Variants in GYG1 observed in about 807,000 individuals in gnomAD.
The protein encoded by GYG1 is glycogenin-1.
Under a neutral mutation model 41.9 loss-of-function variants are expected in GYG1, and 44 were observed. The ratio of observed to expected loss-of-function variants is 1.05; its 90% confidence interval spans 0.83 to 1.35. The LOEUF (loss-of-function observed/expected upper bound fraction) is 1.35, where lower values mean the gene tolerates loss of function less well. Among genes scored for constraint, GYG1 ranks in the 40% most tolerant of loss-of-function variants. The pLI, the probability that GYG1 is intolerant of heterozygous loss-of-function variation, is 0.00. For missense variants in GYG1, 429 were observed against 418.9 expected (o/e 1.02, Z -0.21); for synonymous variants, 141 against 158.1 (o/e 0.89, Z 0.81).
rs1444062796 is a variant in GYG1, at chr3:149,030,157, T to G, written c.*3224T>G. 1 of 152,210 alleles carries G rather than the reference T, an allele frequency of 6.6e-6. No individual in the cohort carries two copies. Among genetic ancestry groups the G allele is most frequent in the African/African-American group, 2.4e-5 (1 of 41,454 alleles). 9.4% of individuals were successfully genotyped at this position (152,210 alleles called of 1,614,324 possible). A position where few individuals can be genotyped will look rare whatever the true frequency, so the allele number is the denominator to read the frequency against. On this transcript the variant is annotated 3_prime_UTR_variant, in exon 8 of 8. Transcript: ENST00000345003. ...TTGAAATTTTTATTGATTTTTAAAT[T>G]TAAAATCCAGTTTTAACCACAAAAT...
At chr3:149,015,785 G>C (rs1037437160) in intron 5 of GYG1, among the ~76,000 whole-genome samples, 1 of 152,166 alleles carries the variant, frequency 6.6e-6, no homozygotes, top group African/African-American at 2.4e-5. Flanking sequence ...ATGTAGGTTC[G>C]AGAGAGGGCG....
intron 5 of GYG1, among the ~76,000 whole-genome samples, chr3:149,014,008 T>TC (rs1713882328): frequency 6.6e-6 from 1 of 152,182 alleles, no homozygotes; most frequent in Non-Finnish European, 1.5e-5. Flanking sequence ...TTCTGCTCAC[T>TC]CAAGGCCTCA....
intron 5 of GYG1, among the ~76,000 whole-genome samples, chr3:149,012,997 T>TTGTGTG (rs10575910): frequency 0.055 from 7,837 of 141,342 alleles, 377 homozygotes; most frequent in African/African-American, 0.13. Flanking sequence ...CTCAGTTAAT[T>TTGTGTG]TGTGTGTGTG....
At chr3:149,017,412 T>A (rs902890016) in intron 5 of GYG1, among the ~76,000 whole-genome samples, 29 of 150,532 alleles carry the variant, frequency 1.9e-4, no homozygotes, top group East Asian at 3.9e-4. Flanking sequence ...TTTTTTTTTT[T>A]AATTCCTGGC....
rs1273314125 is a variant in GYG1, at chr3:149,024,107, T to C, written c.663T>C (p.Asn221=). Residue 221 remains asparagine (N), a synonymous_variant, in exon 6 of 8, where the codon AAT becomes AAC. Coordinates refer to ENST00000345003, the MANE Select transcript of GYG1 (RefSeq NM_004130.4). The part of the protein sequence containing the change: ...VHFLGRVKPW[N]YTYDPKTKSV... The stretch of plus-strand genomic sequence containing the variant: ...TCCTGGGACGAGTCAAACCATGGAA[T>C]TATACTTATGATCCCAAAACAAAAA... 2 of 1,614,040 alleles carry C rather than the reference T, an allele frequency of 1.2e-6. No individual in the cohort carries two copies. The highest frequency in any genetic ancestry group is 1.7e-6 in the Non-Finnish European group (2 of 1,180,010).
chr3:149,026,477 C>T lies in GYG1; in HGVS notation c.854C>T (p.Ala285Val). ...CTTTCAGACTTGGTCTATACACTGG[C>T]TTTCTCTTGTGGCTTCTGTAGAAAG... The part of the protein sequence containing the change: ...NVLSDLVYTL[A>V]FSCGFCRKED... The change falls in exon 7 of 8, where the codon GCT becomes GTT. Residue 285 changes from alanine (A) to valine (V), a missense_variant. Physicochemically the swap from Ala to Val is moderately conservative, Grantham distance 64 (BLOSUM62 0). Coordinates refer to ENST00000345003, the MANE Select transcript of GYG1 (RefSeq NM_004130.4). The T allele has an allele frequency of 6.2e-7, 1 of 1,606,650 alleles. No homozygotes were observed. The highest frequency in any genetic ancestry group is 8.5e-7 in the Non-Finnish European group (1 of 1,173,238).
intron 4 of GYG1, among the ~76,000 whole-genome samples, chr3:149,004,429 T>A (rs2107896658): frequency 1.3e-5 from 2 of 152,364 alleles, no homozygotes; most frequent in East Asian, 3.9e-4. Flanking sequence ...TGCTTTGAAC[T>A]GTCCTATCAT....
chr3:148,996,271 A>G (rs374498755), intron 2 of GYG1, 31 bp from the exon 3 acceptor site: 73 of 1,521,908 alleles, frequency 4.8e-5, no homozygotes, highest in Non-Finnish European at 2.7e-6. Context: ...AAAAGATGCT[A>G]AGTGTGGTAT....
intron 3 of GYG1, 53 bp downstream of exon 3, chr3:148,996,529 G>C: frequency 6.8e-7 from 1 of 1,462,354 alleles, no homozygotes; most frequent in East Asian, 2.3e-5. Context: ...TATGGTGATG[G>C]AGACCTGTAG....
At position 149,026,935 on chromosome 3, in the gene GYG1, AAC is replaced by A. The variant is rs1311410301; in HGVS notation, c.*5_*6del. On this transcript the variant is annotated 3_prime_UTR_variant, in exon 8 of 8. Transcript: ENST00000345003. ...AAACTTGACACTTACCTCCAGTAGA[AAC>A]ACTGCATTTTTCTGTGAACACATCC... 14 of 1,613,696 alleles carry A rather than the reference AAC, an allele frequency of 8.7e-6. No individual in the cohort carries two copies. In the Admixed American group the frequency reaches 2.2e-4, roughly 25 times the overall value.
chr3:149,024,628 A>G (rs1427585752), intron 6 of GYG1, among the ~76,000 whole-genome samples: 1 of 152,242 alleles, frequency 6.6e-6, no homozygotes, highest in Non-Finnish European at 1.5e-5. Context: ...AACTGCAAAC[A>G]TTTAGATGTA....
At chr3:149,006,686 T>C (rs1268247560) in intron 4 of GYG1, among the ~76,000 whole-genome samples, 1 of 152,240 alleles carries the variant, frequency 6.6e-6, no homozygotes, top group Non-Finnish European at 1.5e-5. Context: ...TGAACAAAGC[T>C]GCTGTGAACA....
At chr3:148,997,668 T>G (rs1244500230) in intron 4 of GYG1, among the ~76,000 whole-genome samples, 4 of 152,266 alleles carry the variant, frequency 2.6e-5, no homozygotes, top group African/African-American at 9.6e-5. Flanking sequence ...CAATAGTTAA[T>G]ATGCAGAAGG....
At chr3:148,994,564 T>A (rs773848313) in intron 2 of GYG1, among the ~76,000 whole-genome samples, 14 of 152,162 alleles carry the variant, frequency 9.2e-5, no homozygotes, top group Non-Finnish European at 1.9e-4. Context: ...CCCCTCTGGG[T>A]GATCTGAAGG....
At chr3:148,996,533 C>T (rs1020587267) in intron 3 of GYG1, 57 bp downstream of exon 3, 4 of 1,447,042 alleles carry the variant, frequency 2.8e-6, no homozygotes, top group African/African-American at 1.4e-5. Context: ...GTGATGGAGA[C>T]CTGTAGGCAT....
intron 5 of GYG1, among the ~76,000 whole-genome samples, chr3:149,014,974 T>G (rs1026125013): frequency 6.6e-6 from 1 of 152,158 alleles, no homozygotes; most frequent in African/African-American, 2.4e-5. Context: ...CAGAATTTTT[T>G]TTAACTTAAT....
At chr3:149,017,150 T>C (rs1714093979) in intron 5 of GYG1, among the ~76,000 whole-genome samples, 1 of 152,238 alleles carries the variant, frequency 6.6e-6, no homozygotes, top group African/African-American at 2.4e-5. Context: ...AAACTAGTCA[T>C]GAAAATTCTA....
Position 148,996,749 on chromosome 3 carries a change from CA to C in GYG1, c.329del (p.Asn110IlefsTer58), listed in dbSNP as rs1712817364. 1 of 1,613,688 alleles carries C rather than the reference CA, an allele frequency of 6.2e-7. No homozygotes were observed. The highest frequency in any genetic ancestry group is 8.5e-7 in the Non-Finnish European group (1 of 1,179,600). On this transcript the variant is annotated frameshift_variant, in exon 4 of 8. Transcript: ENST00000345003. LOFTEE classifies it high-confidence loss of function. ...VFMDADTLVLANIDDLFDREE... is the reference protein window; with the variant it reads ...VFMDADTLVLXNIDDLFDREE... ...TTTCTCCCCTTTGATCAGGTCCTAG[CA>C]AATATTGATGATCTTTTTGACAGAG...
At chr3:148,998,818 A>C (rs181064528) in intron 4 of GYG1, among the ~76,000 whole-genome samples, 7 of 152,334 alleles carry the variant, frequency 4.6e-5, no homozygotes, top group Non-Finnish European at 1.0e-4. Flanking sequence ...TTTTAGCAGA[A>C]GTCCACTGTT....
Sources: allele counts gnomAD v4.1 joint callset (sites outside exome capture counted in the v4.1 genomes callset), GRCh38; gene constraint gnomAD v4.1.1; transcripts MANE v1.5; gene names NCBI Gene and HGNC (gene_info 2026-07-23, HGNC 2026-07-21).